C9orf78: variants seen among roughly 807,000 people sequenced by gnomAD.
The protein encoded by C9orf78 is splicing factor C9orf78.
C9orf78 carries 19 observed loss-of-function variants against 37.4 expected under a neutral mutation model. The ratio of observed to expected loss-of-function variants is 0.51; its 90% CI spans 0.35 to 0.74. The LOEUF is 0.74. C9orf78 is among the 30% of genes least tolerant of loss of function. The pLI, the probability that C9orf78 is intolerant of heterozygous loss-of-function variation, is 0.01. For missense variants in C9orf78, 291 were observed against 370.8 expected (o/e 0.78, Z 1.77); for synonymous variants, 130 against 128.0 (o/e 1.02, Z -0.10).
At chr9:129,834,609 G>A (rs2031639623) in intron 2 of C9orf78, 98 bp downstream of exon 2, 1 of 848,490 alleles carries the variant, frequency 1.2e-6, no homozygotes, top group Non-Finnish European at 2.0e-6. Context: ...TGTGTCAAGA[G>A]AAAAATCTAC....
chr9:129,833,909 C>A, intron 2 of C9orf78, 200 bp from the exon 3 acceptor site: 1 of 581,310 alleles, frequency 1.7e-6, no homozygotes, highest in South Asian at 2.1e-5. Context: ...AAGAAGGGTG[C>A]GCTGGTGGTG....
chr9:129,830,515 T>A, intron 6 of C9orf78: 1 of 277,410 alleles, frequency 3.6e-6, no homozygotes, highest in South Asian at 3.9e-5. Flanking sequence ...CCCATAAATT[T>A]TTTTTTCCTT....
chr9:129,829,265 T>C lies in C9orf78; in HGVS notation c.718A>G (p.Lys240Glu). The C allele has an allele frequency of 1.2e-6, 2 of 1,612,258 alleles. No individual in the cohort carries two copies. Among genetic ancestry groups the C allele is most frequent in the Non-Finnish European group, 1.7e-6 (2 of 1,179,294 alleles). ...AAGGGCCGGGCCTTGGGCTCTTCTT[T>C]GTTTCTCCGTATGGGCGCGTTGAGC... ...EELNAPIRRNKEEPKARPLRV... is the reference protein window; with the variant it reads ...EELNAPIRRNEEEPKARPLRV... The change falls in exon 8 of 9, where the codon AAA (lysine) becomes GAA (glutamate). Residue 240 changes from lysine to glutamate, a missense_variant. By Grantham distance (56) the Lys-to-Glu change is moderately conservative. This residue lies in a region of C9orf78 where 120 missense variants were observed against 148.7 expected (regional missense o/e 0.81). Coordinates refer to ENST00000372447, the MANE Select transcript of C9orf78 (RefSeq NM_016520.3).
intron 4 of C9orf78, among the ~76,000 whole-genome samples, chr9:129,833,043 A>T (rs1374567167): frequency 6.6e-6 from 1 of 150,724 alleles, no homozygotes; most frequent in South Asian, 2.1e-4. Flanking sequence ...GTGTGTATAT[A>T]CATATGTGTA....
chr9:129,833,725 A>T lies in C9orf78; in HGVS notation c.144-16T>A. 1 of 1,598,472 alleles carries T rather than the reference A, an allele frequency of 6.3e-7. No individual in the cohort carries two copies. Among genetic ancestry groups the T allele is most frequent in the Non-Finnish European group, 8.6e-7 (1 of 1,167,576 alleles). On this transcript the variant is annotated splice_polypyrimidine_tract_variant and intron_variant, in intron 2 of 8. Coordinates refer to ENST00000372447, the MANE Select transcript of C9orf78 (RefSeq NM_016520.3). The stretch of plus-strand genomic sequence containing the variant: ...GGCCACAGCACTGAGCAAAACCAAA[A>T]AAAAAAGAGAGGGGGAGAGAGAGAA...
Position 129,835,178 on chromosome 9 carries a change from G to C in C9orf78, c.44C>G (p.Ser15Trp). 6.2e-7 allele frequency: 1 copy of C among 1,610,494 alleles called. No individual in the cohort carries two copies. The highest frequency in any genetic ancestry group is 8.5e-7 in the Non-Finnish European group (1 of 1,178,800). The change falls in exon 1 of 9, where the codon TCG becomes TGG. Residue 15 changes from serine (S) to tryptophan (W), a missense_variant. Physicochemically the swap from Ser to Trp is radical, Grantham distance 177. Coordinates refer to ENST00000372447, the MANE Select transcript of C9orf78 (RefSeq NM_016520.3). ...GTCCTGCTCATCTTCCTCTGACTCC[G>C]AGTCGCCCCGGCGGCGACGGAAAAT... ...RKIFRRRRGD[S>W]ESEEDEQDSE...
chr9:129,834,889 G>A, intron 1 of C9orf78, 123 bp from the exon 2 acceptor site: 1 of 794,516 alleles, frequency 1.3e-6, no homozygotes, highest in South Asian at 1.5e-5. Flanking sequence ...CACCAGCACA[G>A]TGGTCCAGAG....
At chr9:129,830,493 CCAT>C (rs2031464860) in intron 6 of C9orf78, 1 of 268,238 alleles carries the variant, frequency 3.7e-6, no homozygotes, top group South Asian at 4.1e-5. Flanking sequence ...GCATCAGCCA[CCAT>C]ACCTGTCCCC....
chr9:129,833,015 G>GTT (rs1554738829), intron 4 of C9orf78, among the ~76,000 whole-genome samples: 1 of 149,156 alleles, frequency 6.7e-6, no homozygotes, highest in Non-Finnish European at 1.5e-5. Flanking sequence ...GTGTGTGTGT[G>GTT]TATATGTGTA....
At chr9:129,835,033 C>CA in intron 1 of C9orf78, 106 bp downstream of exon 1, 1 of 943,262 alleles carries the variant, frequency 1.1e-6, no homozygotes, top group South Asian at 1.4e-5. Context: ...AAGGAACCAC[C>CA]ACCCGAGCTC....
In C9orf78 at chr9:129,827,580, T is replaced by C. The variant is rs1260798619; in HGVS notation, c.*581A>G. 1 of 152,182 alleles carries C rather than the reference T, an allele frequency of 6.6e-6. No homozygotes were observed. Among genetic ancestry groups the C allele is most frequent in the Non-Finnish European group, 1.5e-5 (1 of 68,098 alleles). 9.4% of individuals were successfully genotyped at this position (152,182 alleles called of 1,614,324 possible). Reference sequence around the variant, plus strand: ...AGAGCAAATATTAAGAGAAAGACAATATATTTACAAACAAGATTTAATAAT... The same window carrying C: ...AGAGCAAATATTAAGAGAAAGACAACATATTTACAAACAAGATTTAATAAT... On this transcript the variant is annotated 3_prime_UTR_variant, in exon 9 of 9. Coordinates refer to ENST00000372447, the MANE Select transcript of C9orf78 (RefSeq NM_016520.3).
At position 129,832,087 on chromosome 9, in the gene C9orf78, TG is replaced by T. The variant is rs1454971051; in HGVS notation, c.267-115del. ...GCATTTATAATATCCTATTTACAGTTGGCAAAAAAAAAAAAATGCCGTAGTA... is the reference window on the plus strand; with the variant it reads ...GCATTTATAATATCCTATTTACAGTTGCAAAAAAAAAAAAATGCCGTAGTA... On this transcript the variant is annotated intron_variant, in intron 4 of 8. Transcript: ENST00000372447. The T allele has an allele frequency of 1.0e-5, 6 of 583,936 alleles. No homozygotes were observed. The Admixed American group carries it at 1.5e-4, about 14-fold the overall frequency. The allele number at this position is 583,936 out of a possible 1,614,324, so 36.2% of individuals were successfully genotyped here. A position where few individuals can be genotyped will look rare whatever the true frequency, so the allele number is the denominator to read the frequency against.
In C9orf78 at chr9:129,830,882, G is replaced by A; in HGVS notation, c.531C>T (p.Asp177=). 1 of 1,611,238 alleles carries A rather than the reference G, an allele frequency of 6.2e-7. No homozygotes were observed. Among genetic ancestry groups the A allele is most frequent in the South Asian group, 1.1e-5 (1 of 91,034 alleles). ...NQMLSGIPEV[D]LGIDAKIKNI... is the part of the protein sequence containing the mutation. ...GGTCTCAAACATACTCGATGCCCAGGTCCACCTCAGGAATGCCACTCAGCA... is the reference window on the plus strand; with the variant it reads ...GGTCTCAAACATACTCGATGCCCAGATCCACCTCAGGAATGCCACTCAGCA... Residue 177 remains aspartate (D), a synonymous_variant, in exon 6 of 9, where the codon GAC becomes GAT. Coordinates refer to ENST00000372447, the MANE Select transcript of C9orf78 (RefSeq NM_016520.3).
At chr9:129,834,400 A>C (rs949858918) in intron 2 of C9orf78, 6 of 362,336 alleles carry the variant, frequency 1.7e-5, no homozygotes, top group Non-Finnish European at 2.5e-5. Flanking sequence ...TATCGTCTTG[A>C]CTATACTTTT....
chr9:129,833,640 G>A lies in C9orf78; in HGVS notation c.195+18C>T, dbSNP rs1400701471. 6 of 1,591,172 alleles carry A rather than the reference G, an allele frequency of 3.8e-6. No individual in the cohort carries two copies. Among genetic ancestry groups the A allele is most frequent in the Middle Eastern group, 3.3e-4 (2 of 6,060 alleles). On this transcript the variant is annotated intron_variant, in intron 3 of 8. Transcript: ENST00000372447. ...GGGAGGGCTGCCATAACTACTCAGG[G>A]AAGACCCCATAACTTACCACTAGAG...
In C9orf78 at chr9:129,835,129, C is replaced by T. The variant is rs1250840726; in HGVS notation, c.83+10G>A. 6.2e-7 allele frequency: 1 copy of T among 1,606,272 alleles called. No homozygotes were observed. The highest frequency in any genetic ancestry group is 8.5e-7 in the Non-Finnish European group (1 of 1,173,426). On this transcript the variant is annotated intron_variant, in intron 1 of 8. Coordinates refer to ENST00000372447, the MANE Select transcript of C9orf78 (RefSeq NM_016520.3). ...TTACCAAGCCTATGGGAGCCCCGCC[C>T]CAAACGCACCGAACCTCCTCTGAGT...
At chr9:129,829,757 T>G (rs1267009238) in intron 6 of C9orf78, 2 of 483,256 alleles carry the variant, frequency 4.1e-6, no homozygotes, top group African/African-American at 3.9e-5. Context: ...CAAGAGCAAA[T>G]TGAGCTTCAG....
chr9:129,832,087 TGGC>T, intron 4 of C9orf78, 114 bp from the exon 5 acceptor site: 1 of 583,936 alleles, frequency 1.7e-6, no homozygotes, highest in Non-Finnish European at 3.1e-6. Context: ...TATTTACAGT[TGGC>T]AAAAAAAAAA....
At position 129,829,192 on chromosome 9, in the gene C9orf78, T is replaced by C. The variant is rs201417433; in HGVS notation, c.778+13A>G. On this transcript the variant is annotated intron_variant, in intron 8 of 8. Coordinates refer to ENST00000372447, the MANE Select transcript of C9orf78 (RefSeq NM_016520.3). Reference sequence around the variant, plus strand: ...AGCACTCCAGGCAGCCCCGAGGCCTTTGTTGCACTCACGCTCAGGCTCTGG... The same window carrying C: ...AGCACTCCAGGCAGCCCCGAGGCCTCTGTTGCACTCACGCTCAGGCTCTGG... 460 of 1,594,720 alleles carry C rather than the reference T, an allele frequency of 2.9e-4. 4 individuals carry two copies. The highest frequency in any genetic ancestry group is 2.3e-3 in the Middle Eastern group (14 of 6,034).
Sources: allele counts gnomAD v4.1 joint callset (sites outside exome capture counted in the v4.1 genomes callset), GRCh38; gene constraint gnomAD v4.1.1; regional missense constraint gnomAD v4.1.1; transcripts MANE v1.5; gene names NCBI Gene and HGNC (gene_info 2026-07-23, HGNC 2026-07-21).